The following PLD5 variants were observed in gnomAD, a reference collection of about 807,000 sequenced individuals.
The protein encoded by PLD5 is phospholipase D family member 5.
PLD5 carries 36 observed loss-of-function variants against 61.1 expected under a neutral mutation model. The ratio of observed to expected loss-of-function variants is 0.59; its 90% CI spans 0.45 to 0.78. PLD5 has a LOEUF of 0.78. PLD5 is among the 30% of genes least tolerant of loss of function. The pLI, the probability that PLD5 is intolerant of heterozygous loss-of-function variation, is 0.00. For missense variants in PLD5, 515 were observed against 644.4 expected, an observed-to-expected ratio of 0.80 and a Z score of 2.17; for synonymous variants, 243 against 242.8, an observed-to-expected ratio of 1.00 and a Z score of -0.01.
chr1:242,170,818 T>C (rs970269296), intron 5 of PLD5, among the ~76,000 whole-genome samples: 4 of 151,582 alleles, frequency 2.6e-5, no homozygotes, highest in Non-Finnish European at 5.9e-5. Context: ...AGATTAAAGA[T>C]CAACTTAATG....
rs189811278 is a variant in PLD5, at chr1:242,291,072, C to T, written c.327-2542G>A. Among the ~76,000 whole-genome samples the T allele has an allele frequency of 7.9e-4, 120 of 152,262 alleles. 2 individuals are homozygous for T. The highest frequency in any genetic ancestry group is 2.8e-3 in the African/African-American group (118 of 41,546). ...AATGCCCTTTGTGAATTCCATACCA[C>T]AGCCATATTTGTCATCTTTACTTCC... On this transcript the variant is annotated intron_variant, in intron 2 of 9. Transcript: ENST00000536534.
At chr1:242,120,456 A>ATT (rs34950915) in intron 6 of PLD5, among the ~76,000 whole-genome samples, 11,647 of 152,148 alleles carry the variant, frequency 0.077, 509 homozygotes, top group South Asian at 0.16. Context: ...CCCAGCCTGA[A>ATT]TTGTATACTT....
At chr1:242,405,173 C>T (rs1664166239) in intron 1 of PLD5, among the ~76,000 whole-genome samples, 1 of 152,080 alleles carries the variant, frequency 6.6e-6, no homozygotes, top group Admixed American at 6.5e-5. Context: ...TGGCCCTCTG[C>T]TAATCCATTT....
At chr1:242,133,600 T>G (rs1377549095) in intron 5 of PLD5, among the ~76,000 whole-genome samples, 1 of 152,222 alleles carries the variant, frequency 6.6e-6, no homozygotes, top group Non-Finnish European at 1.5e-5. Flanking sequence ...CATTCTTCCT[T>G]TCCTTCTTTC....
intron 9 of PLD5, among the ~76,000 whole-genome samples, chr1:242,095,784 C>T (rs370279911): frequency 3.3e-5 from 5 of 151,978 alleles, no homozygotes; most frequent in African/African-American, 7.3e-5. Context: ...CCCTGGGTTC[C>T]CTGATGATTA....
intron 5 of PLD5, among the ~76,000 whole-genome samples, chr1:242,189,040 C>A (rs1668076537): frequency 1.3e-5 from 2 of 152,120 alleles, no homozygotes; most frequent in Non-Finnish European, 2.9e-5. Context: ...AGAGAAGTGT[C>A]CTTTAAAATC....
chr1:242,254,287 A>G (rs918990961), intron 4 of PLD5, among the ~76,000 whole-genome samples: 8 of 149,262 alleles, frequency 5.4e-5, no homozygotes, highest in Non-Finnish European at 5.9e-5. Flanking sequence ...GACACTTTTT[A>G]TATATTATCT....
rs1668078235 is a variant in PLD5, at chr1:242,489,699, G to C, written c.189+34389C>G. Among the ~76,000 whole-genome samples, 3 of 152,158 alleles carry C rather than the reference G, an allele frequency of 2.0e-5. No individual in the cohort carries two copies. In the South Asian group the frequency reaches 6.2e-4, roughly 32 times the overall value. ...AAAAAGAAAGGAAGGGAAAGGGAGG[G>C]ACATGGGTGAGGAATCCTCGTTCAT... On this transcript the variant is annotated intron_variant, in intron 1 of 9. Transcript: ENST00000536534.
intron 5 of PLD5, among the ~76,000 whole-genome samples, chr1:242,199,796 TTAAGA>T (rs553116419): frequency 1.2e-3 from 190 of 152,358 alleles, no homozygotes; most frequent in African/African-American, 4.5e-3. Flanking sequence ...GTTGTTTCAC[TTAAGA>T]TAATGGCTTC....
At chr1:242,230,603 C>A (rs434200) in intron 4 of PLD5, among the ~76,000 whole-genome samples, 128,239 of 152,202 alleles carry the variant, frequency 0.84, 54,498 homozygotes, top group African/African-American at 0.95. Flanking sequence ...AGAAGACTAA[C>A]GGGGAAACAT....
intron 1 of PLD5, among the ~76,000 whole-genome samples, chr1:242,394,896 G>T (rs1315996947): frequency 1.9e-5 from 2 of 103,392 alleles, no homozygotes; most frequent in African/African-American, 4.4e-5. Flanking sequence ...GTATATATAT[G>T]ATTATATATG....
rs112917841 is a variant in PLD5 at position 242,512,816 on chromosome 1, A to C, written c.189+11272T>G. Among the ~76,000 whole-genome samples the C allele has an allele frequency of 8.6e-3, 1,306 of 152,242 alleles. 16 individuals are homozygous for C. Among genetic ancestry groups the C allele is most frequent in the African/African-American group, 0.03 (1,253 of 41,556 alleles). ...GACAATTACAACTGTGTGAATGCCT[A>C]ATCAGTAGTTTCTCATGCAAACCTG... On this transcript the variant is annotated intron_variant, in intron 1 of 9. Transcript: ENST00000536534.
intron 2 of PLD5, among the ~76,000 whole-genome samples, chr1:242,296,673 G>C (rs1675675626): frequency 6.6e-6 from 1 of 152,162 alleles, no homozygotes; most frequent in Non-Finnish European, 1.5e-5. Flanking sequence ...ATAGCAGAAA[G>C]AATACCAGCA....
At chr1:242,119,217 C>A (rs1662182603) in intron 6 of PLD5, among the ~76,000 whole-genome samples, 1 of 151,988 alleles carries the variant, frequency 6.6e-6, no homozygotes, top group Admixed American at 6.6e-5. Flanking sequence ...CTTGTACAGA[C>A]CTTAGCAGGT....
At chr1:242,471,835 G>A (rs929751215) in intron 1 of PLD5, among the ~76,000 whole-genome samples, 4 of 152,134 alleles carry the variant, frequency 2.6e-5, no homozygotes, top group African/African-American at 4.8e-5. Context: ...AGCTGGAGAA[G>A]AACCAAGATT....
chr1:242,529,778 T>TCTTCCTCCCTTCCTTC, the PLD5 span, among the ~76,000 whole-genome samples: 730 of 129,872 alleles, frequency 5.6e-3, 11 homozygotes, highest in African/African-American at 0.021. Context: ...GGCACTGGGA[T>TCTTCCTCCCTTCCTTC]CTTCCTTCCT....
chr1:242,305,957 G>A (rs368361507), intron 2 of PLD5, among the ~76,000 whole-genome samples: 3 of 152,168 alleles, frequency 2.0e-5, no homozygotes, highest in Admixed American at 1.3e-4. Context: ...AACTGGAAAG[G>A]GGGGGAAGTC....
chr1:242,347,977 A>G (rs1471165308), intron 2 of PLD5, 129 bp downstream of exon 2: 3 of 1,111,058 alleles, frequency 2.7e-6, no homozygotes, highest in Non-Finnish European at 3.9e-6. Context: ...ACAGACTCAC[A>G]CCTCAGCTTA....
chr1:242,529,800 T>TTCCTTCCTTCCTTCCC, the PLD5 span, among the ~76,000 whole-genome samples: 621 of 149,848 alleles, frequency 4.1e-3, 7 homozygotes, highest in African/African-American at 0.015. Flanking sequence ...CCTTCCTTCC[T>TTCCTTCCTTCCTTCCC]TCCTTCCTTC....
Sources: gnomAD v4.1 joint callset for allele counts (sites outside exome capture counted in the v4.1 genomes callset) on GRCh38, gnomAD v4.1.1 for gene constraint, MANE v1.5 for transcripts, NCBI Gene and HGNC (gene_info 2026-07-23, HGNC 2026-07-21) for gene names.